MACROD1: variants seen among roughly 807,000 people sequenced by gnomAD.
MACROD1 encodes ADP-ribose glycohydrolase MACROD1.
MACROD1 carries 31 observed loss-of-function variants against 41.4 expected under a neutral mutation model. The ratio of observed to expected loss-of-function variants is 0.75; its 90% CI spans 0.56 to 1.01. MACROD1 has a LOEUF of 1.01. Ranked by LOEUF, MACROD1 falls within the 50% of genes least tolerant of loss-of-function variation. MACROD1 has a pLI of 0.00. For synonymous variants in MACROD1, 252 were observed against 203.4 expected (o/e 1.24, Z -2.03); for missense variants, 473 against 460.0 (o/e 1.03, Z -0.26).
In MACROD1 at chr11:64,120,098, G is replaced by A. The variant is rs549684469; in HGVS notation, c.517+31141C>T. ...GAAAAGCAAAGGCAGAAGCAGCAGC[G>A]GGGCAGGGGTTACGTTAAAAGGCCC... On this transcript the variant is annotated intron_variant, in intron 3 of 10. Coordinates refer to ENST00000255681, the MANE Select transcript of MACROD1 (RefSeq NM_014067.4). The surrounding 1 kb of genome is among the most constrained non-coding windows in gnomAD (Gnocchi z 4.5). Among the ~76,000 whole-genome samples the A allele has an allele frequency of 5.3e-5, 8 of 152,282 alleles. No individual in the cohort carries two copies. The highest frequency in any genetic ancestry group is 2.1e-4 in the South Asian group (1 of 4,822).
chr11:64,075,742 AG>A (rs1944188559), intron 3 of MACROD1, among the ~76,000 whole-genome samples: 1 of 152,210 alleles, frequency 6.6e-6, no homozygotes, highest in Non-Finnish European at 1.5e-5. Flanking sequence ...GCACAATCTC[AG>A]CTCACTGCAA....
chr11:63,999,995 G>C, intron 5 of MACROD1: 1 of 643,498 alleles, frequency 1.6e-6, no homozygotes, highest in South Asian at 1.9e-5. Context: ...ACCCGAGCGC[G>C]AGTGTGGGCG....
intron 2 of MACROD1, 39 bp from the exon 3 acceptor site, chr11:64,151,394 G>A: frequency 1.3e-6 from 2 of 1,517,460 alleles, no homozygotes; most frequent in Non-Finnish European, 1.8e-6. Flanking sequence ...CAGCGAGGCT[G>A]CCCACTGCAG....
intron 3 of MACROD1, among the ~76,000 whole-genome samples, chr11:64,055,988 G>A (rs747250605): frequency 6.6e-5 from 10 of 152,306 alleles, no homozygotes; most frequent in East Asian, 3.9e-4. Context: ...ACGCGCTGTC[G>A]GTCCTCTGGG....
intron 3 of MACROD1, among the ~76,000 whole-genome samples, chr11:64,024,824 C>G (rs1028914790): frequency 6.6e-6 from 1 of 152,092 alleles, no homozygotes; most frequent in Non-Finnish European, 1.5e-5. Context: ...AGGTCAAGGC[C>G]CAGCCCCAGC....
Position 64,166,052 on chromosome 11 carries a change from A to G in MACROD1, c.-58T>C. Reference sequence around the variant, plus strand: ...TTGGACTCTATTTACGGCGCTCGGGAGTGTCTCTCCCTTATTTACTCTGGG... The same window carrying G: ...TTGGACTCTATTTACGGCGCTCGGGGGTGTCTCTCCCTTATTTACTCTGGG... On this transcript the variant is annotated 5_prime_UTR_variant, in exon 1 of 11. Coordinates refer to ENST00000255681, the MANE Select transcript of MACROD1 (RefSeq NM_014067.4). The G allele has an allele frequency of 8.1e-7, 1 of 1,239,638 alleles. No homozygotes were observed. The highest frequency in any genetic ancestry group is 1.0e-6 in the Non-Finnish European group (1 of 993,286). The allele number at this position is 1,239,638 out of a possible 1,614,324, so 76.8% of individuals were successfully genotyped here.
At chr11:64,144,497 G>A (rs968347750) in intron 3 of MACROD1, among the ~76,000 whole-genome samples, 2 of 152,190 alleles carry the variant, frequency 1.3e-5, no homozygotes, top group South Asian at 2.1e-4. Flanking sequence ...TCTGATCCCC[G>A]AAAATGGGGT....
chr11:64,079,396 T>G (rs1590877766), intron 3 of MACROD1, among the ~76,000 whole-genome samples: 6 of 130,218 alleles, frequency 4.6e-5, no homozygotes, highest in East Asian at 2.8e-4. Flanking sequence ...GGGAAGGGGG[T>G]CGTTGGGGAT....
At chr11:64,028,161 G>A (rs1203407878) in intron 3 of MACROD1, among the ~76,000 whole-genome samples, 5 of 152,052 alleles carry the variant, frequency 3.3e-5, no homozygotes, top group South Asian at 2.1e-4. Flanking sequence ...CCAGTGGGGA[G>A]TGCTGGGGAG....
intron 3 of MACROD1, among the ~76,000 whole-genome samples, chr11:64,140,042 T>C (rs1945389799): frequency 6.6e-6 from 1 of 151,596 alleles, no homozygotes; most frequent in Admixed American, 6.6e-5. Flanking sequence ...AAGCAGCCAC[T>C]GCCCTGGCCT....
chr11:64,089,436 C>G (rs949041659), intron 3 of MACROD1, among the ~76,000 whole-genome samples: 9 of 152,176 alleles, frequency 5.9e-5, no homozygotes, highest in Admixed American at 1.3e-4. Context: ...ATGGAGGAGT[C>G]GTCACCTCAC....
At chr11:64,014,482 C>T (rs142601069) in intron 4 of MACROD1, among the ~76,000 whole-genome samples, 122 of 152,362 alleles carry the variant, frequency 8.0e-4, no homozygotes, top group African/African-American at 2.8e-3. Flanking sequence ...CCACCGCTGC[C>T]GTAAACACGG....
intron 3 of MACROD1, among the ~76,000 whole-genome samples, chr11:64,076,324 T>TAGGGAC (rs1355031803): frequency 3.3e-5 from 5 of 152,164 alleles, no homozygotes; most frequent in Non-Finnish European, 1.5e-5. Context: ...GACTTGGGGT[T>TAGGGAC]AGGGACAGGG....
At chr11:64,040,419 G>A (rs998808733) in intron 3 of MACROD1, among the ~76,000 whole-genome samples, 2 of 152,126 alleles carry the variant, frequency 1.3e-5, no homozygotes, top group African/African-American at 4.8e-5. Flanking sequence ...GGGGCTCAAG[G>A]CACCCGGCCA....
intron 3 of MACROD1, among the ~76,000 whole-genome samples, chr11:64,081,528 A>AC (rs560521262): frequency 1.1e-4 from 17 of 151,436 alleles, no homozygotes; most frequent in South Asian, 2.1e-4. Context: ...TCAGTGTAAC[A>AC]CCCCCCCGAC....
At chr11:64,141,458 A>G (rs1945412556) in intron 3 of MACROD1, among the ~76,000 whole-genome samples, 2 of 152,216 alleles carry the variant, frequency 1.3e-5, no homozygotes. Flanking sequence ...AGGCACACAG[A>G]GTACCCATCC....
intron 5 of MACROD1, chr11:64,000,001 G>A: frequency 1.6e-6 from 1 of 638,772 alleles, no homozygotes; most frequent in Non-Finnish European, 2.7e-6. Flanking sequence ...GCGCGAGTGT[G>A]GGCGCGAAGG....
chr11:64,137,666 C>T (rs1181422871), intron 3 of MACROD1, among the ~76,000 whole-genome samples: 2 of 152,110 alleles, frequency 1.3e-5, no homozygotes, highest in East Asian at 3.9e-4. Flanking sequence ...ACTACAAGGG[C>T]AGATATGAGC....
Position 64,165,972 on chromosome 11 carries a change from G to A in MACROD1, c.23C>T (p.Ser8Phe), listed in dbSNP as rs1020764027. Residue 8 changes from serine to phenylalanine, a missense_variant, in exon 1 of 11, where the codon TCC (serine) becomes TTC (phenylalanine). Ser to Phe is a radical substitution (Grantham distance 155). Coordinates refer to ENST00000255681, the MANE Select transcript of MACROD1 (RefSeq NM_014067.4). MSLQSRL[S>F]GRLAQLRAAG... Reference sequence around the variant, plus strand: ...CGCGCGCAGCTGTGCCAGGCGGCCGGACAGTCGGCTCTGTAGAGACATGAG... The same window carrying A: ...CGCGCGCAGCTGTGCCAGGCGGCCGAACAGTCGGCTCTGTAGAGACATGAG... 32 of 1,294,828 alleles carry A rather than the reference G, an allele frequency of 2.5e-5. No individual in the cohort carries two copies. Among genetic ancestry groups the A allele is most frequent in the Non-Finnish European group, 6.8e-6 (7 of 1,027,932 alleles). The allele number at this position is 1,294,828 out of a possible 1,614,324, so 80.2% of individuals were successfully genotyped here. A position where few individuals can be genotyped will look rare whatever the true frequency, so the allele number is the denominator to read the frequency against.
Sources: allele counts gnomAD v4.1 joint callset (sites outside exome capture counted in the v4.1 genomes callset), GRCh38; gene constraint gnomAD v4.1.1; non-coding constraint Gnocchi (gnomAD v3.1); transcripts MANE v1.5; gene names NCBI Gene and HGNC (gene_info 2026-07-23, HGNC 2026-07-21).